CMTM7: variants seen among roughly 807,000 people sequenced by gnomAD.
The protein encoded by CMTM7 is CKLF-like MARVEL transmembrane domain-containing protein 7.
CMTM7 carries 7 observed loss-of-function variants against 19.3 expected under a neutral mutation model. The ratio of observed to expected loss-of-function variants is 0.36; its 90% confidence interval spans 0.21 to 0.68. The LOEUF (loss-of-function observed/expected upper bound fraction) is 0.68, where lower values mean the gene tolerates loss of function less well. Among genes scored for constraint, CMTM7 ranks in the 30% least tolerant of loss-of-function variants. CMTM7 has a pLI of 0.60. For synonymous variants in CMTM7, 87 were observed against 99.3 expected (o/e 0.88, Z 0.74); for missense variants, 193 against 232.6 (o/e 0.83, Z 1.11).
intron 1 of CMTM7, among the ~76,000 whole-genome samples, chr3:32,399,136 G>GAATA (rs1322680508): frequency 6.6e-6 from 1 of 152,096 alleles, no homozygotes; most frequent in Non-Finnish European, 1.5e-5. Context: ...AAATCTTGGT[G>GAATA]AATATATAGT....
At chr3:32,424,507 T>C (rs1696396859) in intron 1 of CMTM7, among the ~76,000 whole-genome samples, 1 of 152,180 alleles carries the variant, frequency 6.6e-6, no homozygotes, top group Non-Finnish European at 1.5e-5. Flanking sequence ...ACAGCCACAG[T>C]ACATGAACGC....
intron 1 of CMTM7, among the ~76,000 whole-genome samples, chr3:32,412,600 T>C (rs1338528639): frequency 1.6e-5 from 2 of 128,828 alleles, no homozygotes; most frequent in Admixed American, 8.2e-5. Flanking sequence ...AGGGATTTTA[T>C]AGACCTAGCG....
At chr3:32,408,933 A>G (rs914270730) in intron 1 of CMTM7, among the ~76,000 whole-genome samples, 1 of 151,308 alleles carries the variant, frequency 6.6e-6, no homozygotes, top group Non-Finnish European at 1.5e-5. Context: ...GCCAGGCTGG[A>G]GTGCAGTGGT....
intron 1 of CMTM7, among the ~76,000 whole-genome samples, chr3:32,409,438 A>G (rs1423851214): frequency 4.6e-5 from 7 of 152,230 alleles, no homozygotes; most frequent in Admixed American, 6.5e-5. Context: ...ACATAATTGC[A>G]GTACAGTTAC....
At chr3:32,439,250 G>A (rs1452550814) in intron 1 of CMTM7, among the ~76,000 whole-genome samples, 2 of 152,168 alleles carry the variant, frequency 1.3e-5, no homozygotes, top group Non-Finnish European at 2.9e-5. Context: ...GACTCTTTGT[G>A]TCACAGCCAC....
chr3:32,431,547 C>T (rs2125635266), intron 1 of CMTM7, among the ~76,000 whole-genome samples: 1 of 152,226 alleles, frequency 6.6e-6, no homozygotes, highest in East Asian at 1.9e-4. Context: ...CTTCTGTCAC[C>T]CAGCTCTCAG....
chr3:32,449,401 C>T lies in CMTM7; in HGVS notation c.334-53C>T, dbSNP rs1027284876. On this transcript the variant is annotated intron_variant, in intron 2 of 4. Coordinates refer to ENST00000334983, the MANE Select transcript of CMTM7 (RefSeq NM_138410.4). This position sits in a 1 kb window ranked among gnomAD's most constrained non-coding sequence, Gnocchi z 4.5. Reference sequence around the variant, plus strand: ...TCTTCTGATGCCCAGTTGCTCTTCCCGGACCAGAAATGGACGGCCCTACCC... The same window carrying T: ...TCTTCTGATGCCCAGTTGCTCTTCCTGGACCAGAAATGGACGGCCCTACCC... The T allele has an allele frequency of 1.2e-5, 15 of 1,257,856 alleles. No individual in the cohort carries two copies. The highest frequency in any genetic ancestry group is 1.0e-4 in the African/African-American group (7 of 67,690). The allele number at this position is 1,257,856 out of a possible 1,614,324, so 77.9% of individuals were successfully genotyped here.
chr3:32,395,150 C>A (rs1167441461), intron 1 of CMTM7, among the ~76,000 whole-genome samples: 1 of 151,936 alleles, frequency 6.6e-6, no homozygotes, highest in African/African-American at 2.4e-5. Context: ...ACTATAGGCA[C>A]CCACCACGAT....
chr3:32,452,562 G>A, intron 4 of CMTM7, 89 bp downstream of exon 4: 2 of 1,333,602 alleles, frequency 1.5e-6, no homozygotes, highest in South Asian at 1.2e-5. Context: ...AAACCCTGCT[G>A]TTGAGAAGGC....
At chr3:32,396,504 C>T (rs766731169) in intron 1 of CMTM7, among the ~76,000 whole-genome samples, 6 of 151,920 alleles carry the variant, frequency 3.9e-5, no homozygotes, top group Non-Finnish European at 8.8e-5. Flanking sequence ...GAGACTCCGT[C>T]ACAAAAACAA....
At chr3:32,431,785 C>T (rs895393876) in intron 1 of CMTM7, among the ~76,000 whole-genome samples, 9 of 152,182 alleles carry the variant, frequency 5.9e-5, no homozygotes, top group African/African-American at 2.2e-4. Flanking sequence ...TCAGTTTCCA[C>T]ATAAAAAGAT....
chr3:32,404,829 A>G (rs1420730746), intron 1 of CMTM7, among the ~76,000 whole-genome samples: 1 of 152,264 alleles, frequency 6.6e-6, no homozygotes, highest in African/African-American at 2.4e-5. Context: ...AAGGGATGTT[A>G]CAGAAGCAGT....
chr3:32,448,781 G>GAA (rs761007859), intron 2 of CMTM7, among the ~76,000 whole-genome samples: 17 of 128,866 alleles, frequency 1.3e-4, no homozygotes, highest in Admixed American at 2.4e-4. Context: ...GGAATGACAG[G>GAA]AAAAAAAAAA....
At position 32,430,714 on chromosome 3, in the gene CMTM7, T is replaced by TGTGTGTGTGTGTGTGTGA. The variant is rs10634592; in HGVS notation, c.160-11125_160-11124insTGTGTGTGTGTGTGTGAG. Among the ~76,000 whole-genome samples the TGTGTGTGTGTGTGTGTGA allele has an allele frequency of 6.1e-3, 919 of 149,638 alleles. 4 individuals are homozygous for TGTGTGTGTGTGTGTGTGA. The highest frequency in any genetic ancestry group is 0.024 in the East Asian group (121 of 5,068). ...GTGTGTGTGTGTGTGTGTGTGTGTG[T>TGTGTGTGTGTGTGTGTGA]GACACAGCTCTCCTGATGACCCTTT... On this transcript the variant is annotated intron_variant, in intron 1 of 4. Transcript: ENST00000334983.
intron 1 of CMTM7, among the ~76,000 whole-genome samples, chr3:32,399,848 A>C (rs377731882): frequency 1.3e-5 from 2 of 152,210 alleles, no homozygotes; most frequent in African/African-American, 4.8e-5. Context: ...CAAATGCAAA[A>C]ATAAAATATA....
At chr3:32,427,474 A>T (rs1011587967) in intron 1 of CMTM7, among the ~76,000 whole-genome samples, 1 of 152,182 alleles carries the variant, frequency 6.6e-6, no homozygotes, top group Non-Finnish European at 1.5e-5. Context: ...CAGGAGGGCA[A>T]GAGAGTGCTT....
intron 2 of CMTM7, among the ~76,000 whole-genome samples, chr3:32,442,239 G>A (rs1372816335): frequency 1.3e-5 from 2 of 152,018 alleles, no homozygotes; most frequent in Admixed American, 6.6e-5. Context: ...GGCCGGGCGC[G>A]GTGGCTCACG....
rs143911624 is a variant in CMTM7, at chr3:32,424,475, G to A, written c.160-17365G>A. On this transcript the variant is annotated intron_variant, in intron 1 of 4. Transcript: ENST00000334983. Reference sequence around the variant, plus strand: ...AAGAGCATATGAGACTAGAAGTATCGCTGTGGCCATTTTTGGAAAACACAG... The same window carrying A: ...AAGAGCATATGAGACTAGAAGTATCACTGTGGCCATTTTTGGAAAACACAG... Among the ~76,000 whole-genome samples the A allele has an allele frequency of 3.7e-3, 569 of 152,240 alleles. 7 individuals are homozygous for A. Among genetic ancestry groups the A allele is most frequent in the African/African-American group, 0.012 (511 of 41,534 alleles).
chr3:32,410,690 C>A (rs557444056), intron 1 of CMTM7, among the ~76,000 whole-genome samples: 8 of 151,830 alleles, frequency 5.3e-5, no homozygotes, highest in African/African-American at 1.9e-4. Flanking sequence ...CCCACTCCCA[C>A]CCCCCACAGT....
Sources: gnomAD v4.1 joint callset for allele counts (sites outside exome capture counted in the v4.1 genomes callset) on GRCh38, gnomAD v4.1.1 for gene constraint, Gnocchi (gnomAD v3.1) non-coding constraint, MANE v1.5 for transcripts, NCBI Gene and HGNC (gene_info 2026-07-23, HGNC 2026-07-21) for gene names.